The following NLRP9 variants were observed in gnomAD, a reference collection of about 807,000 sequenced individuals.
NLRP9 encodes NACHT, LRR and PYD domains-containing protein 9.
NLRP9 carries 88 observed loss-of-function variants against 83.1 expected under a neutral mutation model. That is an observed-to-expected ratio of 1.06 (90% CI 0.89 to 1.26). The LOEUF (loss-of-function observed/expected upper bound fraction) is 1.26. Among genes scored for constraint, NLRP9 ranks in the 50% most tolerant of loss-of-function variants. NLRP9 has a pLI of 0.00. For missense variants in NLRP9, 1,308 were observed against 1,179.3 expected (o/e 1.11, Z -1.60); for synonymous variants, 521 against 447.6 (o/e 1.16, Z -2.07).
intron 3 of NLRP9, among the ~76,000 whole-genome samples, chr19:55,726,924 C>G (rs923129804): frequency 1.3e-5 from 2 of 151,988 alleles, no homozygotes; most frequent in African/African-American, 4.8e-5. Flanking sequence ...CAAACTGTCT[C>G]TATCATTTCT....
rs1444800711 is a variant in NLRP9, at chr19:55,732,851, T to A, written c.980A>T (p.Asn327Ile). The part of the protein sequence containing the change: ...ALKVFNFVRD[N>I]GPLFILCHNP... ...ATGGCACAAGATAAACAGCGGCCCA[T>A]TATCTCTCACAAAATTGAAGACTTT... Residue 327 changes from asparagine (N) to isoleucine (I), a missense_variant, in exon 2 of 9, where the codon AAT becomes ATT. By Grantham distance (149) the Asn-to-Ile change is moderately radical (BLOSUM62 -3). Transcript: ENST00000332836. 4 of 1,614,110 alleles carry A rather than the reference T, an allele frequency of 2.5e-6. No individual in the cohort carries two copies. The highest frequency in any genetic ancestry group is 3.4e-6 in the Non-Finnish European group (4 of 1,180,004).
intron 7 of NLRP9, 78 bp downstream of exon 7, chr19:55,712,342 C>T: frequency 2.4e-6 from 3 of 1,252,626 alleles, no homozygotes; most frequent in East Asian, 2.3e-5. Flanking sequence ...TGCCTCCCTT[C>T]CATTCTATTG....
rs762396994 is a variant in NLRP9, at chr19:55,733,367, C to G, written c.464G>C (p.Gly155Ala). ...TCTTAAAAGGGTTGTTTTTCCAATT[C>G]CATCAGGACCTTCCAGGACCACAGT... ...RHTVVLEGPD[G>A]IGKTTLLRKV... Residue 155 changes from glycine to alanine, a missense_variant, in exon 2 of 9, where the codon GGA becomes GCA. Physicochemically the swap from Gly to Ala is moderately conservative, Grantham distance 60. Coordinates refer to ENST00000332836, the MANE Select transcript of NLRP9 (RefSeq NM_176820.4). 1 of 1,614,164 alleles carries G rather than the reference C, an allele frequency of 6.2e-7. No homozygotes were observed. Among genetic ancestry groups the G allele is most frequent in the Admixed American group, 1.7e-5 (1 of 60,018 alleles).
At chr19:55,713,376 T>G (rs1050552310) in intron 6 of NLRP9, among the ~76,000 whole-genome samples, 3 of 151,728 alleles carry the variant, frequency 2.0e-5, no homozygotes, top group Non-Finnish European at 4.4e-5. Flanking sequence ...AGATGACATA[T>G]AGATACATGA....
At chr19:55,734,023 C>T (rs914474065) in intron 1 of NLRP9, among the ~76,000 whole-genome samples, 93 of 149,718 alleles carry the variant, frequency 6.2e-4, no homozygotes, top group Non-Finnish European at 1.3e-3. Context: ...CCCGGGTTCA[C>T]GCCATTCTCC....
At chr19:55,736,828 C>T (rs561641894) in intron 1 of NLRP9, among the ~76,000 whole-genome samples, 8 of 145,742 alleles carry the variant, frequency 5.5e-5, no homozygotes, top group African/African-American at 1.6e-4. Context: ...AGCAAGACTC[C>T]GTCTCAAAAA....
Position 55,724,048 on chromosome 19 carries a change from G to C in NLRP9, c.2091C>G (p.Leu697=). The part of the protein sequence containing the change: ...LKLLSLYGTS[L]SQSDIRHLCE... Reference sequence around the variant, plus strand: ...ACAGGTGTCTGATGTCAGACTGGGAGAGGCTAGTGCCGTACAGGCTCAGAA... The same window carrying C: ...ACAGGTGTCTGATGTCAGACTGGGACAGGCTAGTGCCGTACAGGCTCAGAA... Residue 697 remains leucine, a synonymous_variant, in exon 4 of 9, where the codon CTC becomes CTG. Transcript: ENST00000332836. 6.2e-7 allele frequency: 1 copy of C among 1,613,934 alleles called. No homozygotes were observed. The highest frequency in any genetic ancestry group is 8.5e-7 in the Non-Finnish European group (1 of 1,179,788).
intron 1 of NLRP9, among the ~76,000 whole-genome samples, chr19:55,736,117 A>G (rs533567660): frequency 6.6e-6 from 1 of 151,452 alleles, no homozygotes; most frequent in South Asian, 2.1e-4. Flanking sequence ...GTTATTTAAA[A>G]CTGATGATTC....
intron 5 of NLRP9, among the ~76,000 whole-genome samples, chr19:55,715,742 T>C (rs1485399336): frequency 6.6e-6 from 1 of 150,430 alleles, no homozygotes; most frequent in Admixed American, 6.6e-5. Flanking sequence ...GAAAGATGAA[T>C]GTGGAATACA....
chr19:55,719,638 C>T (rs1988159009), intron 4 of NLRP9, among the ~76,000 whole-genome samples: 1 of 152,208 alleles, frequency 6.6e-6, no homozygotes, highest in South Asian at 2.1e-4. Context: ...ATAGAAAGCT[C>T]CTCATTCTTC....
intron 8 of NLRP9, chr19:55,709,988 T>A (rs575957038): frequency 2.0e-5 from 3 of 152,304 alleles, no homozygotes; most frequent in African/African-American, 7.2e-5. Context: ...TCTCCAATTA[T>A]AAAAAGAAGT....
chr19:55,708,793 A>G lies in NLRP9; in HGVS notation c.*119T>C, dbSNP rs1987556523. On this transcript the variant is annotated 3_prime_UTR_variant, in exon 9 of 9. Transcript: ENST00000332836. ...CATATTGCTAGAACACTTAGGGAGT[A>G]CCTCTGAAATCACAGCCCTGCTGCC... The G allele has an allele frequency of 1.6e-6, 1 of 642,340 alleles. No homozygotes were observed. Among genetic ancestry groups the G allele is most frequent in the Admixed American group, 3.0e-5 (1 of 32,838 alleles). The allele number at this position is 642,340 out of a possible 1,614,324, so 39.8% of individuals were successfully genotyped here.
Position 55,715,196 on chromosome 19 carries a change from G to A in NLRP9, c.2360C>T (p.Ser787Phe), listed in dbSNP as rs752258952. The A allele has an allele frequency of 3.2e-5, 51 of 1,613,222 alleles. No homozygotes were observed. Among genetic ancestry groups the A allele is most frequent in the Non-Finnish European group, 4.3e-5 (51 of 1,179,870 alleles). ...MLMYCCLTSV[S>F]CDSISEVLLC... ...GAGGACTTCGGAAATGGAGTCACAG[G>A]AGACAGAGGTGAGACAGCAGTACAT... The change falls in exon 6 of 9, where the codon TCC becomes TTC. Residue 787 changes from serine to phenylalanine, a missense_variant. Ser to Phe is a radical substitution (Grantham distance 155). Transcript: ENST00000332836.
At chr19:55,723,516 C>T (rs1409904741) in intron 4 of NLRP9, among the ~76,000 whole-genome samples, 1 of 151,844 alleles carries the variant, frequency 6.6e-6, no homozygotes, top group Non-Finnish European at 1.5e-5. Flanking sequence ...TGGTTGAGAC[C>T]ACGAGTGCAA....
chr19:55,721,216 G>A (rs755055419), intron 4 of NLRP9, among the ~76,000 whole-genome samples: 3 of 152,162 alleles, frequency 2.0e-5, no homozygotes, highest in Admixed American at 6.5e-5. Context: ...ACCTTTGGTG[G>A]AAGTTGGGTG....
rs535238375 is a variant in NLRP9, at chr19:55,725,765, G to A, written c.1995-1621C>T. On this transcript the variant is annotated intron_variant, in intron 3 of 8. Transcript: ENST00000332836. Reference sequence around the variant, plus strand: ...ACCCAGGCCGGGCGCGGTGGCTCCCGCCTGTAATCTCAGCACTTTGGGAGG... The same window carrying A: ...ACCCAGGCCGGGCGCGGTGGCTCCCACCTGTAATCTCAGCACTTTGGGAGG... 3.3e-5 allele frequency among the ~76,000 whole-genome samples: 5 copies of A among 152,208 alleles called. No individual in the cohort carries two copies. In the East Asian group the frequency reaches 9.7e-4, roughly 29 times the overall value.
chr19:55,731,723 CAAAAA>C (rs56358571), intron 2 of NLRP9, among the ~76,000 whole-genome samples: 4 of 108,884 alleles, frequency 3.7e-5, no homozygotes, highest in African/African-American at 7.0e-5. Context: ...GACTCCGTCT[CAAAAA>C]AAAAAAAAAA....
intron 6 of NLRP9, among the ~76,000 whole-genome samples, chr19:55,714,461 C>T (rs940243776): frequency 3.9e-4 from 59 of 152,142 alleles, no homozygotes; most frequent in African/African-American, 1.4e-3. Context: ...CAGGGCCACT[C>T]GGGACTCCAT....
chr19:55,712,051 A>G, intron 7 of NLRP9, 81 bp from the exon 8 acceptor site: 3 of 1,386,646 alleles, frequency 2.2e-6, no homozygotes, highest in Middle Eastern at 1.8e-4. Flanking sequence ...TGCTAATTAC[A>G]CACCTCCCGG....
Sources: gnomAD v4.1 joint callset for allele counts (sites outside exome capture counted in the v4.1 genomes callset) on GRCh38, gnomAD v4.1.1 for gene constraint, MANE v1.5 for transcripts, NCBI Gene and HGNC (gene_info 2026-07-23, HGNC 2026-07-21) for gene names.